The following PTPRR variants were observed in gnomAD, a reference collection of about 807,000 sequenced individuals.
The protein encoded by PTPRR is receptor-type tyrosine-protein phosphatase R.
In PTPRR, 38 loss-of-function variants were observed where a neutral mutation model predicts 77.2. That is an observed-to-expected ratio of 0.49 (90% CI 0.38 to 0.65). PTPRR has a LOEUF of 0.65. Among genes scored for constraint, PTPRR ranks in the 30% least tolerant of loss-of-function variants. The probability of loss-of-function intolerance (pLI) is 0.00; values close to 1 mark genes in which losing one functional copy is unlikely to be tolerated. For synonymous variants in PTPRR, 299 were observed against 283.1 expected (o/e 1.06, Z -0.57); for missense variants, 744 against 799.2 (o/e 0.93, Z 0.83).
chr12:70,887,802 G>A (rs1202033555), intron 2 of PTPRR, among the ~76,000 whole-genome samples: 1 of 151,938 alleles, frequency 6.6e-6, no homozygotes, highest in Non-Finnish European at 1.5e-5. Context: ...TAGGCCAGGT[G>A]GTGTGCTATG....
intron 2 of PTPRR, among the ~76,000 whole-genome samples, chr12:70,878,231 A>C (rs1338713413): frequency 6.6e-6 from 1 of 152,214 alleles, no homozygotes; most frequent in Non-Finnish European, 1.5e-5. Flanking sequence ...AATGGCAACA[A>C]AAGCCAAAAT....
chr12:70,906,629 A>T (rs1417078779), intron 1 of PTPRR, among the ~76,000 whole-genome samples: 1 of 152,106 alleles, frequency 6.6e-6, no homozygotes, highest in East Asian at 1.9e-4. Context: ...AACATATGCT[A>T]TATACAAAGC....
rs762198783 is a variant in PTPRR at position 70,701,268 on chromosome 12, G to T, written c.1063C>A (p.Pro355Thr). The T allele has an allele frequency of 1.9e-6, 3 of 1,613,790 alleles. No individual in the cohort carries two copies. Among genetic ancestry groups the T allele is most frequent in the Admixed American group, 1.7e-5 (1 of 59,914 alleles). Residue 355 changes from proline to threonine, a missense_variant, in exon 7 of 14, where the codon CCC becomes ACC. Around this residue, in one of 3 missense-constraint regions of PTPRR, gnomAD observed 570 missense variants for 573.2 expected, o/e 0.99. Transcript: ENST00000283228. ...LDMSSLGNIE[P>T]FVSIPTPREK... ...CGTGGTGTTGGTATAGACACAAAGGGTTCAATGTTCCCCAAGCTACTCATG... is the reference window on the plus strand; with the variant it reads ...CGTGGTGTTGGTATAGACACAAAGGTTTCAATGTTCCCCAAGCTACTCATG...
At chr12:70,687,238 C>A (rs960356311) in intron 8 of PTPRR, among the ~76,000 whole-genome samples, 4 of 47,614 alleles carry the variant, frequency 8.4e-5, no homozygotes, top group Admixed American at 2.6e-4. Flanking sequence ...TTTAACAAGG[C>A]CATTATCAAA....
chr12:70,785,345 C>G (rs1044808239), intron 2 of PTPRR, among the ~76,000 whole-genome samples: 2 of 152,044 alleles, frequency 1.3e-5, no homozygotes, highest in East Asian at 1.9e-4. Flanking sequence ...AGTCTCTGCC[C>G]TCTATTTTAA....
chr12:70,870,229 C>T (rs1892936625), intron 2 of PTPRR, among the ~76,000 whole-genome samples: 1 of 152,118 alleles, frequency 6.6e-6, no homozygotes, highest in African/African-American at 2.4e-5. Flanking sequence ...TGCAGAGCAA[C>T]ATGATGGAAA....
chr12:70,698,119 C>T, intron 8 of PTPRR, 146 bp downstream of exon 8: 1 of 512,512 alleles, frequency 2.0e-6, no homozygotes, highest in Non-Finnish European at 3.5e-6. Flanking sequence ...GCAGAATGTG[C>T]AGGTTTGTTA....
chr12:70,649,090 C>T lies in PTPRR; in HGVS notation c.1880+7614G>A, dbSNP rs537626968. ...AAATATCCATTCAGCATAACACATT[C>T]GTCTCTGAACCAGACCATTTGAATT... On this transcript the variant is annotated intron_variant, in intron 13 of 13. Transcript: ENST00000283228. 2.6e-5 allele frequency among the ~76,000 whole-genome samples: 4 copies of T among 152,238 alleles called. No individual in the cohort carries two copies. The South Asian group carries it at 8.3e-4, about 32-fold the overall frequency.
At chr12:70,917,479 T>A (rs1173295124) in intron 1 of PTPRR, among the ~76,000 whole-genome samples, 1 of 152,170 alleles carries the variant, frequency 6.6e-6, no homozygotes, top group East Asian at 1.9e-4. Flanking sequence ...CACAACTTCC[T>A]TGTTAGGTGA....
intron 2 of PTPRR, among the ~76,000 whole-genome samples, chr12:70,890,850 C>G (rs1474147502): frequency 6.6e-6 from 1 of 152,120 alleles, no homozygotes; most frequent in African/African-American, 2.4e-5. Flanking sequence ...ATGCCCCATC[C>G]ATACATCCAT....
intron 2 of PTPRR, among the ~76,000 whole-genome samples, chr12:70,807,082 G>A (rs1891723211): frequency 6.6e-6 from 1 of 152,120 alleles, no homozygotes; most frequent in African/African-American, 2.4e-5. Context: ...GCAGTAGAAG[G>A]GAACTCTTTG....
intron 2 of PTPRR, among the ~76,000 whole-genome samples, chr12:70,859,300 C>A (rs1892708742): frequency 6.6e-6 from 1 of 152,034 alleles, no homozygotes; most frequent in Non-Finnish European, 1.5e-5. Context: ...GGCTGCACCC[C>A]TCAAAGATAT....
intron 2 of PTPRR, among the ~76,000 whole-genome samples, chr12:70,797,317 A>C (rs1193924299): frequency 6.6e-6 from 1 of 152,020 alleles, no homozygotes; most frequent in Non-Finnish European, 1.5e-5. Context: ...AATCCCTCCA[A>C]TTATGCTCCC....
chr12:70,682,376 G>A lies in PTPRR; in HGVS notation c.1497+1751C>T, dbSNP rs533379952. Among the ~76,000 whole-genome samples the A allele has an allele frequency of 3.9e-5, 6 of 152,250 alleles. No homozygotes were observed. The East Asian group carries it at 1.2e-3, about 29-fold the overall frequency. ...CTTTTTTACTGGAGGTGTTACCTTT[G>A]AAGGTGCTCACTTTATGTAAGGTCT... On this transcript the variant is annotated intron_variant, in intron 10 of 13. Transcript: ENST00000283228.
intron 2 of PTPRR, among the ~76,000 whole-genome samples, chr12:70,792,205 T>A (rs1198792543): frequency 1.3e-5 from 2 of 152,198 alleles, no homozygotes; most frequent in East Asian, 3.8e-4. Flanking sequence ...TGAGAAAGCT[T>A]CTAAGATGTG....
At chr12:70,754,517 G>C in intron 4 of PTPRR, 13 of 1,580,008 alleles carry the variant, frequency 8.2e-6, no homozygotes, top group East Asian at 2.2e-5. Flanking sequence ...AGGAGCAAGC[G>C]TGCCTGACAT....
intron 5 of PTPRR, among the ~76,000 whole-genome samples, chr12:70,751,425 C>G (rs1466009941): frequency 6.6e-6 from 1 of 152,150 alleles, no homozygotes; most frequent in Non-Finnish European, 1.5e-5. Flanking sequence ...CATCCTCTGT[C>G]CACCACCACT....
chr12:70,731,213 G>T (rs960733236), intron 6 of PTPRR, among the ~76,000 whole-genome samples: 1 of 152,084 alleles, frequency 6.6e-6, no homozygotes, highest in Non-Finnish European at 1.5e-5. Flanking sequence ...GTGATGGAAA[G>T]TTAAACCATT....
At chr12:70,725,353 G>A (rs1056778325) in intron 6 of PTPRR, among the ~76,000 whole-genome samples, 1 of 152,090 alleles carries the variant, frequency 6.6e-6, no homozygotes, top group Non-Finnish European at 1.5e-5. Flanking sequence ...TTGGCCCATA[G>A]CTCAATTGTG....
Sources: allele counts gnomAD v4.1 joint callset (sites outside exome capture counted in the v4.1 genomes callset), GRCh38; gene constraint gnomAD v4.1.1; regional missense constraint gnomAD v4.1.1; transcripts MANE v1.5; gene names NCBI Gene and HGNC (gene_info 2026-07-23, HGNC 2026-07-21).